Variants in DAPK2 observed in about 807,000 individuals in gnomAD.
The protein encoded by DAPK2 is death associated protein kinase 2.
Under a neutral mutation model 44.1 loss-of-function variants are expected in DAPK2, and 35 were observed. The observed-to-expected ratio is 0.79, with a 90% CI of 0.61 to 1.05. DAPK2 has a LOEUF of 1.05. DAPK2 is among the 50% of genes least tolerant of loss of function. DAPK2 has a pLI of 0.00. For missense variants in DAPK2, 453 were observed against 483.2 expected, an observed-to-expected ratio of 0.94 and a Z score of 0.59; for synonymous variants, 174 against 182.6, an observed-to-expected ratio of 0.95 and a Z score of 0.38.
chr15:63,922,461 G>A, intron 8 of DAPK2: 1 of 1,196,658 alleles, frequency 8.4e-7, no homozygotes, highest in East Asian at 4.0e-5. Flanking sequence ...TCCTCCCTCT[G>A]CAGAAGGGGA....
chr15:63,977,009 C>T (rs952382131), intron 2 of DAPK2, among the ~76,000 whole-genome samples: 1 of 152,014 alleles, frequency 6.6e-6, no homozygotes, highest in South Asian at 2.1e-4. Flanking sequence ...TTAAAGAACA[C>T]CATGAGGAAG....
At chr15:63,948,538 G>A (rs1050747288) in intron 3 of DAPK2, among the ~76,000 whole-genome samples, 10 of 151,888 alleles carry the variant, frequency 6.6e-5, no homozygotes, top group South Asian at 6.3e-4. Context: ...GGGAAAATCC[G>A]CCCCCAAGAT....
chr15:64,026,783 G>T lies in DAPK2; in HGVS notation c.92+13387C>A, dbSNP rs544875087. On this transcript the variant is annotated intron_variant, in intron 1 of 10. Transcript: ENST00000261891. ...GGACATGTATACTCTATTTCTCAGA[G>T]AAGGAAAGTGAAACCATCAGTCTAT... 7.9e-5 allele frequency among the ~76,000 whole-genome samples: 12 copies of T among 152,316 alleles called. 1 individual carries two copies. In the South Asian group the frequency reaches 2.5e-3, roughly 32 times the overall value.
At position 63,990,428 on chromosome 15, in the gene DAPK2, G is replaced by GAAAAA. The variant is rs755138964; in HGVS notation, c.93-6679_93-6675dup. ...GGGTGACAGAGCAAGACTCCATCTAGAAAAAGAAAAAGAAAGGTCCATGGA... is the reference window on the plus strand; with the variant it reads ...GGGTGACAGAGCAAGACTCCATCTAGAAAAAAAAAAGAAAAAGAAAGGTCCATGGA... On this transcript the variant is annotated intron_variant, in intron 1 of 10. Transcript: ENST00000261891. The surrounding 1 kb of genome is among the most constrained non-coding windows in gnomAD (Gnocchi z 4.3). Among the ~76,000 whole-genome samples the GAAAAA allele has an allele frequency of 4.1e-5, 6 of 145,166 alleles. No individual in the cohort carries two copies. The highest frequency in any genetic ancestry group is 1.5e-4 in the African/African-American group (6 of 39,592).
At chr15:63,959,339 C>G (rs2077819939) in intron 3 of DAPK2, among the ~76,000 whole-genome samples, 1 of 152,064 alleles carries the variant, frequency 6.6e-6, no homozygotes. Flanking sequence ...AATTGAATAC[C>G]CTTTATTTCT....
At chr15:63,918,690 C>T (rs2078993993) in intron 8 of DAPK2, 1 of 152,244 alleles carries the variant, frequency 6.6e-6, no homozygotes, top group Non-Finnish European at 1.5e-5. Flanking sequence ...ACTAAAAATA[C>T]AAAAATTAGC....
chr15:63,944,845 T>G (rs2077407825), intron 3 of DAPK2, among the ~76,000 whole-genome samples: 1 of 152,090 alleles, frequency 6.6e-6, no homozygotes, highest in Non-Finnish European at 1.5e-5. Flanking sequence ...GACTGCCCCA[T>G]GCTCTCTTTC....
intron 1 of DAPK2, among the ~76,000 whole-genome samples, chr15:64,011,738 T>A (rs1450632922): frequency 6.6e-6 from 1 of 152,224 alleles, no homozygotes; most frequent in Non-Finnish European, 1.5e-5. Flanking sequence ...ATTTAAGCAG[T>A]CAGATGTTGT....
At position 64,035,570 on chromosome 15, in the gene DAPK2, A is replaced by G. The variant is rs111298915; in HGVS notation, c.92+4600T>C. Among the ~76,000 whole-genome samples the G allele has an allele frequency of 1.4e-3, 217 of 152,286 alleles. 1 individual carries two copies. The highest frequency in any genetic ancestry group is 4.9e-3 in the African/African-American group (203 of 41,552). ...CAGACCCCACCCTGGTTCTATCACC[A>G]GTTCACCTCTTCTCCTCTCTGGCCT... On this transcript the variant is annotated intron_variant, in intron 1 of 10. Transcript: ENST00000261891.
At chr15:64,009,762 C>T (rs1206283553) in intron 1 of DAPK2, among the ~76,000 whole-genome samples, 4 of 152,086 alleles carry the variant, frequency 2.6e-5, no homozygotes, top group Non-Finnish European at 4.4e-5. Flanking sequence ...CCTTTCCCCC[C>T]GCCCCTAAAT....
At chr15:64,005,643 G>A (rs1450171681) in intron 1 of DAPK2, among the ~76,000 whole-genome samples, 3 of 151,970 alleles carry the variant, frequency 2.0e-5, no homozygotes, top group Non-Finnish European at 4.4e-5. Flanking sequence ...GGTGGGCAGG[G>A]GAGGAAAACA....
At chr15:63,940,742 A>G (rs1400891883) in intron 3 of DAPK2, among the ~76,000 whole-genome samples, 1 of 150,186 alleles carries the variant, frequency 6.7e-6, no homozygotes, top group Non-Finnish European at 1.5e-5. Flanking sequence ...AATAAATAAA[A>G]TGAAATATAA....
At chr15:63,991,242 C>G (rs1449905397) in intron 1 of DAPK2, 1 of 456,328 alleles carries the variant, frequency 2.2e-6, no homozygotes, top group Non-Finnish European at 4.4e-6. Context: ...GCCAGGTGGG[C>G]AGTGCGCTGG....
intron 3 of DAPK2, among the ~76,000 whole-genome samples, chr15:63,969,034 C>T (rs2078134280): frequency 6.6e-6 from 1 of 152,174 alleles, no homozygotes; most frequent in African/African-American, 2.4e-5. Context: ...GGTCCAAAGG[C>T]CTGCCCAGGC....
At chr15:63,999,438 ACACT>A (rs1317412517) in intron 1 of DAPK2, among the ~76,000 whole-genome samples, 2 of 152,132 alleles carry the variant, frequency 1.3e-5, no homozygotes, top group East Asian at 1.9e-4. Context: ...AACTAAGGAA[ACACT>A]CACAGCAGCT....
chr15:63,958,385 T>C (rs1331243574), intron 3 of DAPK2, among the ~76,000 whole-genome samples: 1 of 152,228 alleles, frequency 6.6e-6, no homozygotes, highest in Non-Finnish European at 1.5e-5. Context: ...ATTTTGGCTT[T>C]TGTTGCCATT....
At chr15:64,009,886 T>C (rs1419007315) in intron 1 of DAPK2, among the ~76,000 whole-genome samples, 2 of 152,148 alleles carry the variant, frequency 1.3e-5, no homozygotes, top group East Asian at 1.9e-4. Flanking sequence ...TGGTTAGCAC[T>C]AAAAATCTGA....
intron 3 of DAPK2, among the ~76,000 whole-genome samples, chr15:63,964,468 C>T (rs1328270795): frequency 6.6e-6 from 1 of 151,944 alleles, no homozygotes; most frequent in Non-Finnish European, 1.5e-5. Context: ...GTTCTATAAC[C>T]TTCCTGTACT....
At chr15:64,045,884 C>T (rs1462448505) in intron 1 of DAPK2, among the ~76,000 whole-genome samples, 2 of 152,250 alleles carry the variant, frequency 1.3e-5, no homozygotes, top group Admixed American at 1.3e-4. Context: ...GAGCACCCTC[C>T]TCGCATCACA....
Sources: gnomAD v4.1 joint callset for allele counts (sites outside exome capture counted in the v4.1 genomes callset) on GRCh38, gnomAD v4.1.1 for gene constraint, Gnocchi (gnomAD v3.1) non-coding constraint, MANE v1.5 for transcripts, NCBI Gene and HGNC (gene_info 2026-07-23, HGNC 2026-07-21) for gene names.